MRPS23: variants seen among roughly 807,000 people sequenced by gnomAD.
The protein encoded by MRPS23 is small ribosomal subunit protein mS23.
Under a neutral mutation model 19.8 loss-of-function variants are expected in MRPS23, and 14 were observed. The observed-to-expected ratio is 0.71, with a 90% CI of 0.47 to 1.11. MRPS23 has a LOEUF of 1.11. MRPS23 is among the 50% of genes least tolerant of loss of function. MRPS23 has a pLI of 0.00. For missense variants in MRPS23, 242 were observed against 236.7 expected (o/e 1.02, Z -0.15); for synonymous variants, 113 against 89.7 (o/e 1.26, Z -1.47).
intron 2 of MRPS23, among the ~76,000 whole-genome samples, chr17:57,846,647 T>C (rs545255799): frequency 6.6e-6 from 1 of 152,282 alleles, no homozygotes; most frequent in South Asian, 2.1e-4. Flanking sequence ...ACATGTGCTG[T>C]GTCCACTCAG....
At chr17:57,848,009 A>AT (rs397714861) in intron 2 of MRPS23, among the ~76,000 whole-genome samples, 1 of 151,826 alleles carries the variant, frequency 6.6e-6, no homozygotes, top group African/African-American at 2.4e-5. Flanking sequence ...GAAAAAAAAA[A>AT]TTCTTAAATA....
At chr17:57,849,189 T>C (rs749912299) in intron 2 of MRPS23, 51 bp downstream of exon 2, 6 of 1,584,508 alleles carry the variant, frequency 3.8e-6, no homozygotes, top group Non-Finnish European at 4.3e-6. Context: ...ACCGAAACCT[T>C]CCCTTCTGAA....
At chr17:57,844,127 C>CT (rs375774006) in intron 2 of MRPS23, among the ~76,000 whole-genome samples, 65 of 137,274 alleles carry the variant, frequency 4.7e-4, no homozygotes, top group Middle Eastern at 3.8e-3. Flanking sequence ...GTTCCTTTTT[C>CT]TTTTTTTTTT....
intron 1 of MRPS23, 75 bp downstream of exon 1, chr17:57,849,892 A>C: frequency 1.3e-6 from 2 of 1,518,902 alleles, no homozygotes; most frequent in South Asian, 2.4e-5. Context: ...GGTCCGCTCC[A>C]AGGAAGAGCG....
Position 57,839,307 on chromosome 17 carries a change from G to A in MRPS23, c.*476C>T, listed in dbSNP as rs1247956678. The stretch of plus-strand genomic sequence containing the variant: ...AAGTCAGCTTGGCCTCTCAAGTGGA[G>A]AGATAATCGTTCTATAGCAAGAAGT... On this transcript the variant is annotated 3_prime_UTR_variant, in exon 5 of 5. Transcript: ENST00000313608. 1 of 153,396 alleles carries A rather than the reference G, an allele frequency of 6.5e-6. No individual in the cohort carries two copies. The highest frequency in any genetic ancestry group is 1.5e-5 in the Non-Finnish European group (1 of 68,806). 9.5% of individuals were successfully genotyped at this position (153,396 alleles called of 1,614,324 possible). A position where few individuals can be genotyped will look rare whatever the true frequency, so the allele number is the denominator to read the frequency against.
In MRPS23 at chr17:57,839,708, CAACTGTTTA is replaced by C. The variant is rs2073728491; in HGVS notation, c.*66_*74del. ...GAGATCAAGAAACATTTACACAGTT[CAACTGTTTA>C]AAAATAGCTCAACATTCAGCCAGTG... On this transcript the variant is annotated 3_prime_UTR_variant, in exon 5 of 5. Coordinates refer to ENST00000313608, the MANE Select transcript of MRPS23 (RefSeq NM_016070.4). 1.3e-6 allele frequency: 2 copies of C among 1,535,598 alleles called. No homozygotes were observed. The highest frequency in any genetic ancestry group is 2.7e-5 in the African/African-American group (2 of 72,890).
At chr17:57,845,578 A>C (rs1009347148) in intron 2 of MRPS23, among the ~76,000 whole-genome samples, 1 of 152,204 alleles carries the variant, frequency 6.6e-6, no homozygotes, top group African/African-American at 2.4e-5. Flanking sequence ...TTTGTCAGTA[A>C]ACTCCCAGTG....
chr17:57,838,289 CAAAAAAAAAAAAAAA>C lies in MRPS23; in HGVS notation c.*1479_*1493del, dbSNP rs59289595. ...TGGGAAACAAAGTGATACTCCATCG[CAAAAAAAAAAAAAAA>C]AAAAAAAAAAAAATTAAAAATCTAC... On this transcript the variant is annotated 3_prime_UTR_variant, in exon 5 of 5. Coordinates refer to ENST00000313608, the MANE Select transcript of MRPS23 (RefSeq NM_016070.4). 6 of 29,410 alleles carry C rather than the reference CAAAAAAAAAAAAAAA, an allele frequency of 2.0e-4. No individual in the cohort carries two copies. The highest frequency in any genetic ancestry group is 5.9e-4 in the African/African-American group (6 of 10,134). 1.8% of individuals were successfully genotyped at this position (29,410 alleles called of 1,614,324 possible). A position where few individuals can be genotyped will look rare whatever the true frequency, so the allele number is the denominator to read the frequency against.
chr17:57,842,112 A>T (rs1432033338), intron 2 of MRPS23, among the ~76,000 whole-genome samples: 1 of 152,180 alleles, frequency 6.6e-6, no homozygotes, highest in African/African-American at 2.4e-5. Flanking sequence ...CCTGGGCTCA[A>T]GCAATCCTCT....
intron 2 of MRPS23, 120 bp from the exon 3 acceptor site, chr17:57,841,380 A>G (rs757341445): frequency 7.1e-6 from 7 of 986,988 alleles, no homozygotes; most frequent in African/African-American, 1.7e-5. Context: ...TAACCCACAT[A>G]GCCTAAGCTG....
chr17:57,842,226 C>T (rs569229788), intron 2 of MRPS23, among the ~76,000 whole-genome samples: 1 of 152,298 alleles, frequency 6.6e-6, no homozygotes, highest in South Asian at 2.1e-4. Flanking sequence ...GTTGCCCAGG[C>T]TGGTCTTGAA....
intron 2 of MRPS23, among the ~76,000 whole-genome samples, chr17:57,842,789 G>C (rs1367582604): frequency 6.6e-6 from 1 of 151,072 alleles, no homozygotes; most frequent in Non-Finnish European, 1.5e-5. Flanking sequence ...TTGGGAAGCT[G>C]AGGCATGAGG....
In MRPS23 at chr17:57,838,666, G is replaced by A. The variant is rs946286451; in HGVS notation, c.*1117C>T. ...TGAAACAGTGATAAAGGTCGAGGGGGAAGCAGCATGGCTGAGAGCTGCTTT... is the reference window on the plus strand; with the variant it reads ...TGAAACAGTGATAAAGGTCGAGGGGAAAGCAGCATGGCTGAGAGCTGCTTT... On this transcript the variant is annotated 3_prime_UTR_variant, in exon 5 of 5. Coordinates refer to ENST00000313608, the MANE Select transcript of MRPS23 (RefSeq NM_016070.4). The A allele has an allele frequency of 2.6e-5, 4 of 152,394 alleles. No homozygotes were observed. Among genetic ancestry groups the A allele is most frequent in the African/African-American group, 9.6e-5 (4 of 41,592 alleles). The allele number at this position is 152,394 out of a possible 1,614,324, so 9.4% of individuals were successfully genotyped here. A position where few individuals can be genotyped will look rare whatever the true frequency, so the allele number is the denominator to read the frequency against.
chr17:57,847,451 A>G (rs2073783707), intron 2 of MRPS23, among the ~76,000 whole-genome samples: 1 of 152,004 alleles, frequency 6.6e-6, no homozygotes, highest in Non-Finnish European at 1.5e-5. Flanking sequence ...TCACGAGGTC[A>G]GGAGATTGAG....
chr17:57,844,468 A>G (rs2073759636), intron 2 of MRPS23, among the ~76,000 whole-genome samples: 1 of 151,890 alleles, frequency 6.6e-6, no homozygotes, highest in Non-Finnish European at 1.5e-5. Flanking sequence ...TAAAGAAATA[A>G]TATTTAACAG....
At chr17:57,846,062 C>T (rs957259712) in intron 2 of MRPS23, among the ~76,000 whole-genome samples, 5 of 148,786 alleles carry the variant, frequency 3.4e-5, no homozygotes, top group Admixed American at 6.7e-5. Context: ...AAAAGTAGTC[C>T]CAAAGAAGTG....
chr17:57,842,241 T>C (rs2073744178), intron 2 of MRPS23, among the ~76,000 whole-genome samples: 1 of 152,188 alleles, frequency 6.6e-6, no homozygotes, highest in South Asian at 2.1e-4. Context: ...CTTGAACTGC[T>C]AGCCTCAAGA....
At chr17:57,842,052 A>C (rs1163221110) in intron 2 of MRPS23, among the ~76,000 whole-genome samples, 1 of 152,068 alleles carries the variant, frequency 6.6e-6, no homozygotes, top group African/African-American at 2.4e-5. Flanking sequence ...TCACTGTGTC[A>C]CCAACGCAGG....
intron 1 of MRPS23, 119 bp downstream of exon 1, chr17:57,849,848 C>G (rs2073800457): frequency 8.0e-7 from 1 of 1,250,686 alleles, no homozygotes; most frequent in Middle Eastern, 2.1e-4. Flanking sequence ...CCCAGCTCAG[C>G]CCCCGCACCC....
Sources: gnomAD v4.1 joint callset for allele counts (sites outside exome capture counted in the v4.1 genomes callset) on GRCh38, gnomAD v4.1.1 for gene constraint, MANE v1.5 for transcripts, NCBI Gene and HGNC (gene_info 2026-07-23, HGNC 2026-07-21) for gene names.